Variants in XKR6 observed in about 807,000 individuals in gnomAD.
XKR6 encodes XK-related protein 6.
In XKR6, 22 loss-of-function variants were observed where a neutral mutation model predicts 56.7. The observed-to-expected ratio is 0.39, with a 90% CI of 0.28 to 0.55. XKR6 has a LOEUF of 0.55. Among genes scored for constraint, XKR6 ranks in the 20% least tolerant of loss-of-function variants. The pLI, the probability that XKR6 is intolerant of heterozygous loss-of-function variation, is 0.66. For synonymous variants in XKR6, 524 were observed against 387.8 expected, an observed-to-expected ratio of 1.35 and a Z score of -4.13; for missense variants, 852 against 889.0, an observed-to-expected ratio of 0.96 and a Z score of 0.53.
intron 1 of XKR6, among the ~76,000 whole-genome samples, chr8:11,163,058 A>C (rs1029832710): frequency 6.6e-6 from 1 of 152,240 alleles, no homozygotes; most frequent in Non-Finnish European, 1.5e-5. Flanking sequence ...TTGTACAGGA[A>C]AACAAGGAAA....
chr8:11,136,418 C>A (rs1276733903), intron 1 of XKR6, among the ~76,000 whole-genome samples: 1 of 151,526 alleles, frequency 6.6e-6, no homozygotes, highest in Non-Finnish European at 1.5e-5. Flanking sequence ...GCAGGAGAAT[C>A]GCTTGAACCC....
intron 1 of XKR6, among the ~76,000 whole-genome samples, chr8:11,046,778 T>C (rs955219841): frequency 2.6e-5 from 4 of 152,212 alleles, no homozygotes; most frequent in Non-Finnish European, 5.9e-5. Context: ...AAGATATAGA[T>C]ACATAGATAA....
chr8:10,916,240 C>G (rs1800561014), intron 2 of XKR6, among the ~76,000 whole-genome samples: 1 of 152,218 alleles, frequency 6.6e-6, no homozygotes, highest in African/African-American at 2.4e-5. Flanking sequence ...AATTTTACTT[C>G]TCATTCCTAA....
chr8:11,101,475 A>G (rs967559233), intron 1 of XKR6, among the ~76,000 whole-genome samples: 3 of 146,612 alleles, frequency 2.0e-5, no homozygotes, highest in Non-Finnish European at 4.4e-5. Flanking sequence ...AAAATTATTT[A>G]CAAATTATGT....
chr8:11,104,352 T>C (rs1241760163), intron 1 of XKR6, among the ~76,000 whole-genome samples: 1 of 152,214 alleles, frequency 6.6e-6, no homozygotes, highest in African/African-American at 2.4e-5. Context: ...GGAAGAAATC[T>C]CAGTATCTTT....
intron 1 of XKR6, among the ~76,000 whole-genome samples, chr8:11,182,466 T>C (rs370064316): frequency 2.0e-5 from 3 of 152,204 alleles, no homozygotes. Flanking sequence ...TTTTAAAGTA[T>C]TTTTAGGTGA....
At position 10,960,633 on chromosome 8, in the gene XKR6, G is replaced by T. The variant is rs571010400; in HGVS notation, c.765-35803C>A. 3.0e-4 allele frequency among the ~76,000 whole-genome samples: 45 copies of T among 152,312 alleles called. 1 individual carries two copies. Among genetic ancestry groups the T allele is most frequent in the African/African-American group, 1.1e-3 (45 of 41,566 alleles). On this transcript the variant is annotated intron_variant, in intron 1 of 2. Coordinates refer to ENST00000416569, the MANE Select transcript of XKR6 (RefSeq NM_173683.4). ...ACAGGGGCATCATTCTCAATTTACA[G>T]ATAAGGAAACTGAGGCTTTGGGACA...
At position 10,957,583 on chromosome 8, in the gene XKR6, A is replaced by G. The variant is rs921123110; in HGVS notation, c.765-32753T>C. Among the ~76,000 whole-genome samples the G allele has an allele frequency of 2.6e-5, 4 of 152,224 alleles. No homozygotes were observed. The South Asian group carries it at 8.3e-4, about 32-fold the overall frequency. ...GCAGACCCTGGGATGCTGATGGCGC[A>G]GTCACCAACAGGAAGGAAAATGAGA... On this transcript the variant is annotated intron_variant, in intron 1 of 2. Coordinates refer to ENST00000416569, the MANE Select transcript of XKR6 (RefSeq NM_173683.4).
chr8:11,106,863 A>AAAAAAAAAAAAAAAAAAAAAAAAAG lies in XKR6; in HGVS notation c.764+93712_764+93713insCTTTTTTTTTTTTTTTTTTTTTTTT, dbSNP rs60435831. Among the ~76,000 whole-genome samples, 460 of 109,728 alleles carry AAAAAAAAAAAAAAAAAAAAAAAAAG rather than the reference A, an allele frequency of 4.2e-3. 15 individuals are homozygous for AAAAAAAAAAAAAAAAAAAAAAAAAG. Among genetic ancestry groups the AAAAAAAAAAAAAAAAAAAAAAAAAG allele is most frequent in the Non-Finnish European group, 5.9e-3 (334 of 56,306 alleles). 72.0% of individuals were successfully genotyped at this position (109,728 alleles called of 152,430 possible). On this transcript the variant is annotated intron_variant, in intron 1 of 2. Transcript: ENST00000416569. Reference sequence around the variant, plus strand: ...GAGACTTCATCTCAAAAAAAAAAAAAAATAAAAAAGATACAACGTTACAAA... The same window carrying AAAAAAAAAAAAAAAAAAAAAAAAAG: ...GAGACTTCATCTCAAAAAAAAAAAAAAAAAAAAAAAAAAAAAAAAAAAAAGAATAAAAAAGATACAACGTTACAAA...
intron 1 of XKR6, among the ~76,000 whole-genome samples, chr8:10,964,505 C>A (rs1266337713): frequency 6.6e-6 from 1 of 152,162 alleles, no homozygotes; most frequent in African/African-American, 2.4e-5. Flanking sequence ...CAAGGGGAGC[C>A]CAATTCACCC....
chr8:10,920,361 G>C (rs1258442519), intron 2 of XKR6, among the ~76,000 whole-genome samples: 1 of 151,900 alleles, frequency 6.6e-6, no homozygotes, highest in African/African-American at 2.4e-5. Flanking sequence ...CTCTATGATA[G>C]GTACTAGCAT....
chr8:11,162,615 A>G (rs1801869514), intron 1 of XKR6, among the ~76,000 whole-genome samples: 1 of 152,240 alleles, frequency 6.6e-6, no homozygotes, highest in Non-Finnish European at 1.5e-5. Context: ...CCTTCTCCAT[A>G]AATTACAAAG....
chr8:10,996,453 A>G (rs1033342971), intron 1 of XKR6, among the ~76,000 whole-genome samples: 6 of 152,206 alleles, frequency 3.9e-5, no homozygotes, highest in Middle Eastern at 3.2e-3. Context: ...GCAGAAGTTA[A>G]GTGAGAAGGA....
chr8:11,159,510 C>A (rs554197469), intron 1 of XKR6, among the ~76,000 whole-genome samples: 1 of 152,354 alleles, frequency 6.6e-6, no homozygotes, highest in South Asian at 2.1e-4. Flanking sequence ...ATCAGCTTGC[C>A]ATGTGCTTTC....
intron 1 of XKR6, among the ~76,000 whole-genome samples, chr8:11,036,922 C>A (rs1799159918): frequency 6.6e-6 from 1 of 152,216 alleles, no homozygotes; most frequent in South Asian, 2.1e-4. Flanking sequence ...CTGGCTTGAG[C>A]TAGAACCGCT....
intron 1 of XKR6, among the ~76,000 whole-genome samples, chr8:10,989,586 T>A (rs891057806): frequency 6.6e-6 from 1 of 150,460 alleles, no homozygotes; most frequent in Non-Finnish European, 1.5e-5. Context: ...TTTCAACTGA[T>A]GAACAGGTAA....
intron 1 of XKR6, among the ~76,000 whole-genome samples, chr8:10,944,230 A>T (rs993636635): frequency 1.3e-5 from 2 of 152,194 alleles, no homozygotes; most frequent in African/African-American, 2.4e-5. Flanking sequence ...CCTAGCTTCA[A>T]ATACATGAAC....
chr8:11,106,046 T>C (rs1325212832), intron 1 of XKR6: 1 of 152,206 alleles, frequency 6.6e-6, no homozygotes, highest in Non-Finnish European at 1.5e-5. Context: ...CAAAACACAT[T>C]TGTAGGGTTT....
intron 1 of XKR6, among the ~76,000 whole-genome samples, chr8:10,954,490 G>C (rs1295158800): frequency 2.0e-5 from 3 of 152,116 alleles, no homozygotes; most frequent in Non-Finnish European, 4.4e-5. Flanking sequence ...GAAATCTTTT[G>C]TCCATTTATT....
Sources: gnomAD v4.1 joint callset for allele counts (sites outside exome capture counted in the v4.1 genomes callset) on GRCh38, gnomAD v4.1.1 for gene constraint, MANE v1.5 for transcripts, NCBI Gene and HGNC (gene_info 2026-07-23, HGNC 2026-07-21) for gene names.